Variants in CHD6 observed in about 807,000 individuals in gnomAD.
The protein encoded by CHD6 is chromodomain helicase DNA binding protein 6, also known as ATP-dependent chromatin remodeler CHD6.
In CHD6, 50 loss-of-function variants were observed where a neutral mutation model predicts 276.9. The observed-to-expected ratio is 0.18, with a 90% CI of 0.14 to 0.23. CHD6 has a LOEUF of 0.23. CHD6 is among the 10% of genes least tolerant of loss of function. The pLI, the probability that CHD6 is intolerant of heterozygous loss-of-function variation, is 1.00. For missense variants in CHD6, 2,564 were observed against 3,365.8 expected (o/e 0.76, Z 5.89); for synonymous variants, 1,173 against 1,229.3 (o/e 0.95, Z 0.96).
intron 28 of CHD6, 112 bp from the exon 29 acceptor site, chr20:41,425,506 T>C: frequency 1.8e-6 from 2 of 1,100,000 alleles, no homozygotes; most frequent in Non-Finnish European, 2.6e-6. Context: ...TTACTCAAAG[T>C]AGTTACTGTT....
intron 27 of CHD6, among the ~76,000 whole-genome samples, chr20:41,434,184 C>A (rs2047630358): frequency 6.6e-6 from 1 of 151,952 alleles, no homozygotes; most frequent in African/African-American, 2.4e-5. Flanking sequence ...AAACTCACTT[C>A]AAATACAATA....
intron 25 of CHD6, among the ~76,000 whole-genome samples, chr20:41,443,767 T>C (rs1255878145): frequency 1.3e-5 from 2 of 152,200 alleles, no homozygotes; most frequent in African/African-American, 4.8e-5. Context: ...TTCAAAGTCA[T>C]GTTTTCCATT....
intron 6 of CHD6, among the ~76,000 whole-genome samples, chr20:41,498,781 G>A (rs1253544600): frequency 2.4e-5 from 3 of 123,016 alleles, no homozygotes; most frequent in African/African-American, 8.4e-5. Context: ...GTGTATGTGT[G>A]TATGTATGTA....
intron 20 of CHD6, 124 bp from the exon 21 acceptor site, chr20:41,453,066 G>C: frequency 1.4e-6 from 1 of 717,074 alleles, no homozygotes; most frequent in Non-Finnish European, 2.4e-6. Context: ...CCAGCACGAA[G>C]GGCTATTCCC....
In CHD6 at chr20:41,512,939, G is replaced by A; in HGVS notation, c.759C>T (p.Phe253=). The change falls in exon 5 of 37, where the codon TTC becomes TTT. Residue 253 remains phenylalanine, a synonymous_variant. Coordinates refer to ENST00000373233, the MANE Select transcript of CHD6 (RefSeq NM_032221.5). The part of the protein sequence containing the change: ...KRRKYNEDLD[F]KVVDDDGETI... ...TTTCCCCATCATCATCCACCACTTT[G>A]AAGTCCAGGTCCTCATTGTATTTTC... 1 of 1,614,012 alleles carries A rather than the reference G, an allele frequency of 6.2e-7. No individual in the cohort carries two copies. Among genetic ancestry groups the A allele is most frequent in the East Asian group, 2.2e-5 (1 of 44,872 alleles).
intron 36 of CHD6, 78 bp downstream of exon 36, chr20:41,412,066 C>G: frequency 6.4e-7 from 1 of 1,565,012 alleles, no homozygotes; most frequent in Non-Finnish European, 8.6e-7. Flanking sequence ...CCAGCTGGGG[C>G]TTTCTCTCAA....
chr20:41,606,753 A>G (rs960470821), intron 1 of CHD6, among the ~76,000 whole-genome samples: 2 of 152,206 alleles, frequency 1.3e-5, no homozygotes, highest in African/African-American at 4.8e-5. Context: ...ACCCCTCTAA[A>G]AGAGTAGTTC....
At chr20:41,532,970 A>T (rs2044725345) in intron 3 of CHD6, 80 bp downstream of exon 3, 3 of 1,466,292 alleles carry the variant, frequency 2.0e-6, no homozygotes, top group Non-Finnish European at 2.7e-6. Flanking sequence ...GGTTATGCCT[A>T]GGGGCTTGGG....
chr20:41,597,609 T>G (rs905380535), intron 1 of CHD6, among the ~76,000 whole-genome samples: 1 of 149,262 alleles, frequency 6.7e-6, no homozygotes, highest in Non-Finnish European at 1.5e-5. Flanking sequence ...TGAGAAGGGG[T>G]TGACCCACCA....
intron 2 of CHD6, among the ~76,000 whole-genome samples, chr20:41,549,989 C>G (rs764993130): frequency 1.4e-4 from 22 of 152,110 alleles, no homozygotes; most frequent in Non-Finnish European, 1.6e-4. Context: ...TTAGTAGAGA[C>G]GGGGTTTTGC....
chr20:41,599,948 G>C (rs989932718), intron 1 of CHD6, among the ~76,000 whole-genome samples: 3 of 152,192 alleles, frequency 2.0e-5, no homozygotes, highest in African/African-American at 7.2e-5. Context: ...CACAGAAACA[G>C]GAACTATATA....
chr20:41,522,866 G>A (rs1283413526), intron 3 of CHD6, among the ~76,000 whole-genome samples: 2 of 152,076 alleles, frequency 1.3e-5, no homozygotes, highest in African/African-American at 2.4e-5. Context: ...CTGGGCTATC[G>A]TACCCTATTC....
chr20:41,597,003 A>AAGCCATAT lies in CHD6; in HGVS notation c.-24+21336_-24+21337insATATGGCT, dbSNP rs2045724547. Among the ~76,000 whole-genome samples, 4 of 152,314 alleles carry AAGCCATAT rather than the reference A, an allele frequency of 2.6e-5. No individual in the cohort carries two copies. In the South Asian group the frequency reaches 8.3e-4, roughly 32 times the overall value. ...AGTACCCGAGGGTCCAAAACCTGTA[A>AAGCCATAT]AGAACTTAAGCCCCCACTCACTAGG... On this transcript the variant is annotated intron_variant, in intron 1 of 36. Transcript: ENST00000373233.
At chr20:41,540,615 C>G (rs1386014407) in intron 2 of CHD6, among the ~76,000 whole-genome samples, 1 of 152,166 alleles carries the variant, frequency 6.6e-6, no homozygotes, top group African/African-American at 2.4e-5. Context: ...GCACTTTGCA[C>G]CTGGGCTGGA....
intron 3 of CHD6, among the ~76,000 whole-genome samples, chr20:41,521,488 T>G (rs975094083): frequency 9.2e-5 from 14 of 152,206 alleles, no homozygotes; most frequent in Admixed American, 8.5e-4. Context: ...TCAGTTGAAC[T>G]CATGACTTCT....
At chr20:41,410,879 G>A (rs6102407) in intron 36 of CHD6, among the ~76,000 whole-genome samples, 19,070 of 152,012 alleles carry the variant, frequency 0.13, 2,544 homozygotes, top group African/African-American at 0.31. Context: ...AGCAAGAACC[G>A]GAGATCTTCC....
At chr20:41,548,715 A>G (rs1057473137) in intron 2 of CHD6, among the ~76,000 whole-genome samples, 3 of 152,142 alleles carry the variant, frequency 2.0e-5, no homozygotes, top group African/African-American at 4.8e-5. Flanking sequence ...GCAACCTACA[A>G]AATGGGAGAA....
chr20:41,613,032 C>G (rs2045903021), intron 1 of CHD6, among the ~76,000 whole-genome samples: 1 of 152,114 alleles, frequency 6.6e-6, no homozygotes, highest in Non-Finnish European at 1.5e-5. Flanking sequence ...TAATAAGGCT[C>G]TGAGAACTTT....
chr20:41,409,434 G>A (rs545645122), intron 36 of CHD6, among the ~76,000 whole-genome samples: 164 of 152,312 alleles, frequency 1.1e-3, no homozygotes, highest in Non-Finnish European at 2.1e-3. Flanking sequence ...CTATCTAATT[G>A]CACAGGCATT....
Sources: gnomAD v4.1 joint callset for allele counts (sites outside exome capture counted in the v4.1 genomes callset) on GRCh38, gnomAD v4.1.1 for gene constraint, MANE v1.5 for transcripts, NCBI Gene and HGNC (gene_info 2026-07-23, HGNC 2026-07-21) for gene names.